SCARB2: variants seen among roughly 807,000 people sequenced by gnomAD.
SCARB2 encodes the protein scavenger receptor class B member 2.
Under a neutral mutation model 58.6 loss-of-function variants are expected in SCARB2, and 29 were observed. The ratio of observed to expected loss-of-function variants is 0.49; its 90% CI spans 0.37 to 0.67. The LOEUF (loss-of-function observed/expected upper bound fraction) is 0.67. SCARB2 is among the 30% of genes least tolerant of loss of function. The pLI, the probability that SCARB2 is intolerant of heterozygous loss-of-function variation, is 0.00. For missense variants in SCARB2, 488 were observed against 578.5 expected (o/e 0.84, Z 1.60); for synonymous variants, 195 against 210.1 (o/e 0.93, Z 0.62).
intron 1 of SCARB2, among the ~76,000 whole-genome samples, chr4:76,209,642 C>T (rs1483085662): frequency 6.6e-6 from 1 of 152,236 alleles, no homozygotes; most frequent in African/African-American, 2.4e-5. Flanking sequence ...GTTAGGATAA[C>T]AGGCGTGAGC....
chr4:76,212,190 G>C (rs2109972673), intron 1 of SCARB2, among the ~76,000 whole-genome samples: 1 of 152,300 alleles, frequency 6.6e-6, no homozygotes, highest in Admixed American at 6.5e-5. Context: ...CATGGATTTG[G>C]ACATGGACAG....
chr4:76,216,538 C>G (rs990561578), upstream of SCARB2, among the ~76,000 whole-genome samples: 1 of 152,214 alleles, frequency 6.6e-6, no homozygotes, highest in East Asian at 1.9e-4. Flanking sequence ...CCCTTCTTCT[C>G]TCTTGTCTGG....
At chr4:76,182,291 T>C (rs1673709720) in intron 2 of SCARB2, among the ~76,000 whole-genome samples, 2 of 152,316 alleles carry the variant, frequency 1.3e-5, no homozygotes, top group Admixed American at 1.3e-4. Flanking sequence ...ACTTAAACTG[T>C]GGCTAACTGG....
intron 11 of SCARB2, chr4:76,162,060 G>T: frequency 2.2e-6 from 1 of 453,744 alleles, no homozygotes; most frequent in Non-Finnish European, 4.1e-6. Flanking sequence ...ACCTACTAAG[G>T]AGTAGTGTCT....
chr4:76,213,706 T>G lies in SCARB2; in HGVS notation c.-163A>C. 1 of 547,954 alleles carries G rather than the reference T, an allele frequency of 1.8e-6. No homozygotes were observed. Among genetic ancestry groups the G allele is most frequent in the Non-Finnish European group, 3.1e-6 (1 of 319,460 alleles). The allele number at this position is 547,954 out of a possible 1,614,324, so 33.9% of individuals were successfully genotyped here. ...GCGCGCAGCTCTGGGCTCCGCGGCCTGGCGAGCGCGGCCCCGGGTGCACCG... is the reference window on the plus strand; with the variant it reads ...GCGCGCAGCTCTGGGCTCCGCGGCCGGGCGAGCGCGGCCCCGGGTGCACCG... On this transcript the variant is annotated 5_prime_UTR_variant, in exon 1 of 12. Coordinates refer to ENST00000264896, the MANE Select transcript of SCARB2 (RefSeq NM_005506.4).
At chr4:76,197,284 T>C (rs944337481) in intron 1 of SCARB2, among the ~76,000 whole-genome samples, 6 of 152,246 alleles carry the variant, frequency 3.9e-5, no homozygotes, top group Admixed American at 1.3e-4. Flanking sequence ...TGACTAGATT[T>C]GACCAACAGG....
At chr4:76,216,929 C>T (rs1733218172), upstream of SCARB2, among the ~76,000 whole-genome samples, 6 of 152,164 alleles carry the variant, frequency 3.9e-5, no homozygotes, top group Admixed American at 3.3e-4. Context: ...GTCTTATCAC[C>T]GAGGCTGGCA....
In SCARB2 at chr4:76,195,738, G is replaced by C. The variant is rs142690468; in HGVS notation, c.244C>G (p.Arg82Gly). 6.2e-7 allele frequency: 1 copy of C among 1,614,054 alleles called. No homozygotes were observed. The highest frequency in any genetic ancestry group is 1.7e-5 in the Admixed American group (1 of 60,024). The change falls in exon 2 of 12, where the codon CGG becomes GGG. Residue 82 changes from arginine to glycine, a missense_variant. Physicochemically the swap from Arg to Gly is moderately radical, Grantham distance 125. Coordinates refer to ENST00000264896, the MANE Select transcript of SCARB2 (RefSeq NM_005506.4). ...PEEILRGETP[R>G]VEEVGPYTYR... ...GTGTATGGCCCCACTTCTTCCACCC[G>C]AGGGGTCTCCCCTCTGAGGATCTCC...
chr4:76,180,039 GGCC>G, intron 3 of SCARB2: 1 of 344,716 alleles, frequency 2.9e-6, no homozygotes, highest in Non-Finnish European at 5.6e-6. Context: ...GCCTAAGCAG[GGCC>G]AGAGGCTCAT....
At chr4:76,213,403 C>A (rs769162617) in intron 1 of SCARB2, 24 bp downstream of exon 1, 24 of 1,535,012 alleles carry the variant, frequency 1.6e-5, no homozygotes, top group Non-Finnish European at 1.8e-5. Context: ...CTCCACAACA[C>A]ACACACAGCC....
chr4:76,192,274 T>C (rs947648148), intron 2 of SCARB2: 1 of 152,196 alleles, frequency 6.6e-6, no homozygotes, highest in Non-Finnish European at 1.5e-5. Flanking sequence ...GATTAAATGA[T>C]CGTGACCAAA....
intron 2 of SCARB2, chr4:76,193,120 A>C (rs7436661): frequency 0.051 from 7,715 of 152,512 alleles, 576 homozygotes; most frequent in African/African-American, 0.17. Flanking sequence ...CCAGCTCCAG[A>C]CATGGCTCAA....
chr4:76,213,513 T>C lies in SCARB2; in HGVS notation c.31A>G (p.Thr11Ala). Residue 11 changes from threonine to alanine, a missense_variant, in exon 1 of 12, where the codon ACG (threonine) becomes GCG (alanine). Transcript: ENST00000264896. The part of the protein sequence containing the change: MGRCCFYTAG[T>A]LSLLLLVTSV... ...GTCACCAGCAGGAGCAGGGACAACG[T>C]CCCCGCCGTGTAGAAGCAGCATCGG... The C allele has an allele frequency of 6.2e-7, 1 of 1,609,990 alleles. No homozygotes were observed. The highest frequency in any genetic ancestry group is 8.5e-7 in the Non-Finnish European group (1 of 1,178,452).
chr4:76,199,556 C>A (rs189391864), intron 1 of SCARB2, among the ~76,000 whole-genome samples: 1 of 152,020 alleles, frequency 6.6e-6, no homozygotes, highest in African/African-American at 2.4e-5. Context: ...AAATATCACA[C>A]GAGACAGACT....
intron 11 of SCARB2, chr4:76,162,100 C>T (rs1048240112): frequency 1.6e-5 from 5 of 307,918 alleles, no homozygotes; most frequent in Non-Finnish European, 3.1e-5. Context: ...TAATTCCTTG[C>T]TTGTTGAATA....
intron 2 of SCARB2, chr4:76,184,798 A>T (rs374754963): frequency 1.8e-5 from 6 of 334,426 alleles, no homozygotes; most frequent in Admixed American, 7.9e-5. Flanking sequence ...AAAAAAAAAA[A>T]ATTTTAATTT....
chr4:76,233,726 C>T (rs1733533234), intron 1 of SCARB2, among the ~76,000 whole-genome samples: 1 of 152,072 alleles, frequency 6.6e-6, no homozygotes, highest in Non-Finnish European at 1.5e-5. Context: ...CCACAGCAGG[C>T]TCATCCCCTA....
At chr4:76,198,980 T>A (rs1732775327) in intron 1 of SCARB2, among the ~76,000 whole-genome samples, 1 of 152,136 alleles carries the variant, frequency 6.6e-6, no homozygotes, top group Admixed American at 6.5e-5. Flanking sequence ...TTTATTTTTA[T>A]TTTCTCACTT....
At chr4:76,169,466 A>C (rs1263802084) in intron 8 of SCARB2, among the ~76,000 whole-genome samples, 1 of 152,198 alleles carries the variant, frequency 6.6e-6, no homozygotes, top group African/African-American at 2.4e-5. Flanking sequence ...TCATATTTCA[A>C]CCAAAATATT....
Sources: gnomAD v4.1 joint callset for allele counts (sites outside exome capture counted in the v4.1 genomes callset) on GRCh38, gnomAD v4.1.1 for gene constraint, MANE v1.5 for transcripts, NCBI Gene and HGNC (gene_info 2026-07-23, HGNC 2026-07-21) for gene names.